IQSEC1: variants seen among roughly 807,000 people sequenced by gnomAD.
The protein encoded by IQSEC1 is IQ motif and SEC7 domain-containing protein 1.
In IQSEC1, 31 loss-of-function variants were observed where a neutral mutation model predicts 91.0. The ratio of observed to expected loss-of-function variants is 0.34; its 90% CI spans 0.26 to 0.46. IQSEC1 has a LOEUF of 0.46. IQSEC1 is among the 20% of genes least tolerant of loss of function. The probability of loss-of-function intolerance (pLI) is 1.00; values close to 1 mark genes in which losing one functional copy is unlikely to be tolerated. For synonymous variants in IQSEC1, 699 were observed against 662.6 expected (o/e 1.05, Z -0.84); for missense variants, 1,388 against 1,575.6 (o/e 0.88, Z 2.02).
chr3:13,092,486 G>A (rs1705880160), intron 2 of IQSEC1, among the ~76,000 whole-genome samples: 1 of 152,044 alleles, frequency 6.6e-6, no homozygotes, highest in African/African-American at 2.4e-5. Flanking sequence ...CTCCCCATCT[G>A]GGTTAGGCTA....
intron 1 of IQSEC1, among the ~76,000 whole-genome samples, chr3:13,273,211 T>C (rs1022187047): frequency 1.3e-5 from 2 of 151,516 alleles, no homozygotes; most frequent in African/African-American, 2.4e-5. Context: ...GGCCCCAGAG[T>C]CTGTGTCCTG....
At chr3:13,057,854 C>A (rs1326165408) in intron 1 of IQSEC1, among the ~76,000 whole-genome samples, 1 of 152,236 alleles carries the variant, frequency 6.6e-6, no homozygotes, top group African/African-American at 2.4e-5. Context: ...CCACCCCATG[C>A]CTGCACTCAG....
intron 2 of IQSEC1, among the ~76,000 whole-genome samples, chr3:13,098,080 T>TG (rs1242796074): frequency 1.3e-5 from 2 of 152,268 alleles, no homozygotes; most frequent in Non-Finnish European, 2.9e-5. Context: ...TGCCCTGTGC[T>TG]GGCTCATGGC....
intron 2 of IQSEC1, among the ~76,000 whole-genome samples, chr3:13,140,807 C>T (rs1199182461): frequency 1.3e-5 from 2 of 152,174 alleles, no homozygotes; most frequent in African/African-American, 2.4e-5. Context: ...GTTCCGCATC[C>T]CACCCTCCCC....
At chr3:13,055,699 G>A (rs1016440780) in intron 1 of IQSEC1, among the ~76,000 whole-genome samples, 4 of 152,172 alleles carry the variant, frequency 2.6e-5, no homozygotes, top group African/African-American at 7.2e-5. Context: ...CGAAGCAGGG[G>A]GCTGCCCCCA....
chr3:12,924,832 A>ATCC lies in IQSEC1; in HGVS notation c.1569-91_1569-90insGGA, dbSNP rs1418799355. 7.1e-6 allele frequency: 9 copies of ATCC among 1,262,214 alleles called. No homozygotes were observed. The highest frequency in any genetic ancestry group is 9.8e-6 in the Non-Finnish European group (9 of 920,238). 78.2% of individuals were successfully genotyped at this position (1,262,214 alleles called of 1,614,324 possible). A position where few individuals can be genotyped will look rare whatever the true frequency, so the allele number is the denominator to read the frequency against. On this transcript the variant is annotated intron_variant, in intron 3 of 13. Coordinates refer to ENST00000613206, the MANE Select transcript of IQSEC1 (RefSeq NM_001134382.3). The surrounding 1 kb of genome is among the most constrained non-coding windows in gnomAD (Gnocchi z 6.3). ...GATCTCCGCTCAGTGGACGGTCGAC[A>ATCC]TTCTCCCTCCCTGCCCACCTGCACC...
At chr3:13,139,734 G>C (rs1706768472) in intron 2 of IQSEC1, among the ~76,000 whole-genome samples, 1 of 152,188 alleles carries the variant, frequency 6.6e-6, no homozygotes, top group African/African-American at 2.4e-5. Context: ...CTTAAGGCAA[G>C]TCTCAAATGA....
chr3:13,033,396 C>T (rs1007891800), intron 1 of IQSEC1, among the ~76,000 whole-genome samples: 4 of 152,132 alleles, frequency 2.6e-5, no homozygotes, highest in Non-Finnish European at 5.9e-5. Flanking sequence ...CAGAGCGAGG[C>T]GCATTTCTCC....
intron 1 of IQSEC1, among the ~76,000 whole-genome samples, chr3:13,217,932 T>C (rs73134146): frequency 0.2 from 30,487 of 152,028 alleles, 4,361 homozygotes; most frequent in African/African-American, 0.39. Flanking sequence ...CACTGTCCCA[T>C]ACAGAACCAG....
intron 3 of IQSEC1, among the ~76,000 whole-genome samples, chr3:12,930,594 T>A (rs189618493): frequency 9.3e-4 from 141 of 152,178 alleles, no homozygotes; most frequent in African/African-American, 3.2e-3. Context: ...AGGCCTGGGG[T>A]TCTCTGATGG....
At position 13,276,080 on chromosome 3, in the gene IQSEC1, CTTTTTTT is replaced by C. The variant is rs796663192; in HGVS notation, c.272+6624_272+6630del. ...AGGGAAAACAATCCTCAAAAGCATTCTTTTTTTTTTTTTTTTTTTTTTTTTTGAGACA... is the reference window on the plus strand; with the variant it reads ...AGGGAAAACAATCCTCAAAAGCATTCTTTTTTTTTTTTTTTTTTTGAGACA... On this transcript the variant is annotated intron_variant, in intron 1 of 15. Coordinates refer to the IQSEC1 transcript ENST00000648114. Among the ~76,000 whole-genome samples, 84 of 79,548 alleles carry C rather than the reference CTTTTTTT, an allele frequency of 1.1e-3. 1 individual carries two copies. The highest frequency in any genetic ancestry group is 3.0e-3 in the African/African-American group (73 of 24,174). 52.2% of individuals were successfully genotyped at this position (79,548 alleles called of 152,430 possible).
intron 1 of IQSEC1, among the ~76,000 whole-genome samples, chr3:12,978,517 T>C (rs1259617602): frequency 6.6e-6 from 1 of 151,746 alleles, no homozygotes; most frequent in Admixed American, 6.6e-5. Context: ...GCCAATACGG[T>C]GAAACCCCGT....
intron 1 of IQSEC1, among the ~76,000 whole-genome samples, chr3:13,061,923 C>G (rs78761511): frequency 5.5e-4 from 83 of 152,184 alleles, no homozygotes; most frequent in Non-Finnish European, 1.1e-3. Flanking sequence ...GCACATGGCT[C>G]CTCTTGGGGA....
chr3:13,111,851 C>G lies in IQSEC1; in HGVS notation c.302+52253G>C, dbSNP rs80010986. ...GACCTTGATCTTGGACTTTCAGCCT[C>G]CAGAACTGAGAAATATATTCCCGTA... On this transcript the variant is annotated intron_variant, in intron 2 of 15. Transcript: ENST00000648114. 4.9e-3 allele frequency among the ~76,000 whole-genome samples: 750 copies of G among 152,302 alleles called. 6 individuals are homozygous for G. Among genetic ancestry groups the G allele is most frequent in the African/African-American group, 0.016 (663 of 41,546 alleles).
chr3:13,114,187 C>A (rs983899548), intron 2 of IQSEC1, among the ~76,000 whole-genome samples: 2 of 152,140 alleles, frequency 1.3e-5, no homozygotes, highest in African/African-American at 4.8e-5. Context: ...TGAAGGAGAA[C>A]CCACGCATGT....
chr3:12,945,313 G>T (rs1354975993), intron 1 of IQSEC1, among the ~76,000 whole-genome samples: 1 of 152,106 alleles, frequency 6.6e-6, no homozygotes, highest in Non-Finnish European at 1.5e-5. Context: ...GGGTCAGCAG[G>T]TCCAGAACAT....
chr3:13,232,965 G>A (rs534172848), intron 1 of IQSEC1, among the ~76,000 whole-genome samples: 2 of 152,306 alleles, frequency 1.3e-5, no homozygotes, highest in African/African-American at 2.4e-5. Flanking sequence ...GTGGGTGCCC[G>A]GGGCTGGGGG....
At chr3:12,916,497 T>C (rs1696104816) in intron 6 of IQSEC1, among the ~76,000 whole-genome samples, 1 of 152,242 alleles carries the variant, frequency 6.6e-6, no homozygotes. Flanking sequence ...CAGTGAGCTC[T>C]ACCCTCACCC....
chr3:13,091,590 T>A (rs893066950), intron 2 of IQSEC1, among the ~76,000 whole-genome samples: 2 of 151,624 alleles, frequency 1.3e-5, no homozygotes, highest in African/African-American at 4.9e-5. Flanking sequence ...GGGGCTGGGG[T>A]GTGAAAGGAC....
Sources: gnomAD v4.1 joint callset for allele counts (sites outside exome capture counted in the v4.1 genomes callset) on GRCh38, gnomAD v4.1.1 for gene constraint, Gnocchi (gnomAD v3.1) non-coding constraint, MANE v1.5 for transcripts, NCBI Gene and HGNC (gene_info 2026-07-23, HGNC 2026-07-21) for gene names.